Variants in SLC49A3 observed in about 807,000 individuals in gnomAD.
SLC49A3 encodes solute carrier family 49 member A3.
A neutral mutation model predicts 43.8 loss-of-function variants in SLC49A3; 50 were observed. That is an observed-to-expected ratio of 1.14 (90% CI 0.91 to 1.45). The LOEUF (loss-of-function observed/expected upper bound fraction) is 1.45, where lower values mean the gene tolerates loss of function less well. SLC49A3 is among the 40% of genes most tolerant of loss of function. SLC49A3 has a pLI of 0.00. For synonymous variants in SLC49A3, 413 were observed against 352.0 expected, an observed-to-expected ratio of 1.17 and a Z score of -1.94; for missense variants, 906 against 774.1, an observed-to-expected ratio of 1.17 and a Z score of -2.02.
chr4:678,378 C>G, downstream of SLC49A3: 1 of 1,414,040 alleles, frequency 7.1e-7, no homozygotes, highest in Non-Finnish European at 9.2e-7. Flanking sequence ...CAAGCTGGCT[C>G]CTGCTGGACG....
Position 682,375 on chromosome 4 carries a change from C to G in SLC49A3, c.1263G>C (p.Val421=). The G allele has an allele frequency of 7.5e-7, 1 of 1,334,292 alleles. No homozygotes were observed. The highest frequency in any genetic ancestry group is 9.7e-7 in the Non-Finnish European group (1 of 1,033,162). The allele number at this position is 1,334,292 out of a possible 1,614,324, so 82.7% of individuals were successfully genotyped here. Residue 421 remains valine (V), a splice_region_variant and synonymous_variant, in exon 10 of 10, where the codon GTG becomes GTC. Coordinates refer to ENST00000322224, the MANE Select transcript of SLC49A3 (RefSeq NM_032219.4). ...ACAGGCCGGCCATCAGCAGCAGAGA[C>G]ACTGGGGACACATAGCACAGCTGTC... The part of the protein sequence containing the change: ...QQGEDPLDWT[V]SLLLMAGLCT...
Position 685,322 on chromosome 4 carries a change from C to T in SLC49A3, c.586-466G>A, listed in dbSNP as rs1313406570. On this transcript the variant is annotated intron_variant, in intron 4 of 9. Transcript: ENST00000322224. This position sits in a 1 kb window ranked among gnomAD's most constrained non-coding sequence, Gnocchi z 4.3. ...ACAGACACACAGACACATATGCACA[C>T]ATCACACAATACACATGGGCACAGG... is the stretch of plus-strand genomic sequence containing the variant. Among the ~76,000 whole-genome samples, 1 of 152,110 alleles carries T rather than the reference C, an allele frequency of 6.6e-6. No homozygotes were observed. The highest frequency in any genetic ancestry group is 2.4e-5 in the African/African-American group (1 of 41,408).
At chr4:689,374 A>C, upstream of SLC49A3, 1 of 300,246 alleles carries the variant, frequency 3.3e-6, no homozygotes, top group Non-Finnish European at 6.1e-6. Flanking sequence ...TCAGGCTGGA[A>C]GTCCCTGCCA....
chr4:682,097 G>T lies in SLC49A3; in HGVS notation c.1541C>A (p.Ala514Glu), dbSNP rs1472021484. Residue 514 changes from alanine to glutamate, a missense_variant, in exon 10 of 10, where the codon GCG becomes GAG. By Grantham distance (107) the Ala-to-Glu change is moderately radical (BLOSUM62 -1). Transcript: ENST00000322224. ...TGCTGGGCCTTGCGCACGGGGAGTC[G>T]CTCGGTGGCAGGCTGGGTGGGGGCT... Reference protein sequence around the residue: ...PGSPHPACHRATPRAQGPAAT... With the variant: ...PGSPHPACHRETPRAQGPAAT... 7.2e-7 allele frequency: 1 copy of T among 1,379,912 alleles called. No individual in the cohort carries two copies. The highest frequency in any genetic ancestry group is 9.5e-7 in the Non-Finnish European group (1 of 1,055,536). The allele number at this position is 1,379,912 out of a possible 1,614,324, so 85.5% of individuals were successfully genotyped here.
At chr4:678,936 C>A (rs1189386455), downstream of SLC49A3, 1 of 1,613,342 alleles carries the variant, frequency 6.2e-7, no homozygotes, top group Non-Finnish European at 8.5e-7. Context: ...GGCAGCACAG[C>A]AGCCCTGACC....
At chr4:679,902 T>A, downstream of SLC49A3, 1 of 1,610,192 alleles carries the variant, frequency 6.2e-7, no homozygotes, top group African/African-American at 1.3e-5. Flanking sequence ...GATGCCCCCA[T>A]GTCTGTAACA....
intron 1 of SLC49A3, among the ~76,000 whole-genome samples, chr4:687,094 C>T (rs1431048080): frequency 6.6e-6 from 1 of 152,230 alleles, no homozygotes; most frequent in African/African-American, 2.4e-5. Context: ...TCCTGCAGGG[C>T]CCAGGTGTTT....
At chr4:679,173 G>A (rs1739177929), downstream of SLC49A3, 1 of 855,066 alleles carries the variant, frequency 1.2e-6, no homozygotes, top group South Asian at 1.4e-5. Context: ...GAAGCTGCAA[G>A]GTGATGGCCC....
downstream of SLC49A3, chr4:681,282 A>G: frequency 1.0e-6 from 1 of 976,438 alleles, no homozygotes; most frequent in Non-Finnish European, 1.5e-6. Context: ...GGGCTCCCGA[A>G]GTGCCCGTCT....
At chr4:684,680 C>T in intron 5 of SLC49A3, 39 bp downstream of exon 5, 2 of 1,605,460 alleles carry the variant, frequency 1.2e-6, no homozygotes, top group Non-Finnish European at 1.7e-6. Context: ...TGCCCCCACC[C>T]CCAAATCCAC....
downstream of SLC49A3, chr4:679,191 C>T (rs1739181072): frequency 2.6e-6 from 2 of 779,722 alleles, no homozygotes; most frequent in South Asian, 1.5e-5. Flanking sequence ...CCCTGGCCGC[C>T]CTTGGTTCCA....
downstream of SLC49A3, chr4:678,254 T>C (rs2109330759): frequency 6.8e-7 from 1 of 1,473,024 alleles, no homozygotes; most frequent in Non-Finnish European, 9.0e-7. Flanking sequence ...GTGCCTCACG[T>C]TGCTCTCCTG....
At chr4:680,044 C>T (rs1739290492), downstream of SLC49A3, 1 of 1,547,068 alleles carries the variant, frequency 6.5e-7, no homozygotes, top group East Asian at 2.3e-5. Context: ...GCAGGCCTGG[C>T]CCTCCTAGCT....
At chr4:682,996 T>C in intron 8 of SLC49A3, 106 bp from the exon 9 acceptor site, 1 of 1,169,622 alleles carries the variant, frequency 8.5e-7, no homozygotes, top group Admixed American at 2.3e-5. Flanking sequence ...GCCACCACCC[T>C]CCTGAAGGCA....
downstream of SLC49A3, chr4:680,169 C>T (rs1214551094): frequency 1.3e-6 from 1 of 773,168 alleles, no homozygotes; most frequent in East Asian, 2.8e-5. Context: ...GCCCCGTCAG[C>T]CACCCCAGAG....
exon 1 of SLC49A3, chr4:689,148 CTCCGCCGGT>C (rs1054895982): frequency 2.6e-5 from 34 of 1,308,932 alleles, no homozygotes; most frequent in Non-Finnish European, 3.2e-5. Flanking sequence ...CTCCACGGGT[CTCCGCCGGT>C]CCCGCCGGCC....
rs1230498694 is a variant in SLC49A3 at position 684,851 on chromosome 4, A to G, written c.591T>C (p.Gly197=). ...CGACGCCAGCAGGGATGGTATAGACACCGAGCTGGGGAGGGGTGTGTGTGC... is the reference window on the plus strand; with the variant it reads ...CGACGCCAGCAGGGATGGTATAGACGCCGAGCTGGGGAGGGGTGTGTGTGC... The part of the protein sequence containing the change: ...KKGEDIPLML[G]VYTIPAGVVC... Residue 197 remains glycine (G), a synonymous_variant, in exon 5 of 10, where the codon GGT becomes GGC. Transcript: ENST00000322224. 4.3e-6 allele frequency: 7 copies of G among 1,611,584 alleles called. No individual in the cohort carries two copies. The African/African-American group carries it at 8.0e-5, about 18-fold the overall frequency.
chr4:688,936 C>A, intron 1 of SLC49A3, 57 bp downstream of exon 1: 3 of 1,542,740 alleles, frequency 1.9e-6, no homozygotes, highest in Non-Finnish European at 2.6e-6. Flanking sequence ...AAACAAAACC[C>A]GGCTGGTCCG....
chr4:678,624 C>T (rs1409356720), downstream of SLC49A3: 13 of 1,581,130 alleles, frequency 8.2e-6, no homozygotes, highest in Non-Finnish European at 1.1e-5. Flanking sequence ...CGTCAGCCAG[C>T]CCAGGACCCT....
Sources: gnomAD v4.1 joint callset for allele counts (sites outside exome capture counted in the v4.1 genomes callset) on GRCh38, gnomAD v4.1.1 for gene constraint, Gnocchi (gnomAD v3.1) non-coding constraint, MANE v1.5 for transcripts, NCBI Gene and HGNC (gene_info 2026-07-23, HGNC 2026-07-21) for gene names.